Variants in TTLL7 observed in about 807,000 individuals in gnomAD.
The protein encoded by TTLL7 is tubulin tyrosine ligase like 7.
In TTLL7, 53 loss-of-function variants were observed where a neutral mutation model predicts 120.2. The observed-to-expected ratio is 0.44, with a 90% CI of 0.35 to 0.55. The LOEUF (loss-of-function observed/expected upper bound fraction) is 0.55, where lower values mean the gene tolerates loss of function less well. TTLL7 is among the 20% of genes least tolerant of loss of function. TTLL7 has a pLI of 0.00. For missense variants in TTLL7, 803 were observed against 1,054.7 expected (o/e 0.76, Z 3.31); for synonymous variants, 353 against 351.7 (o/e 1.00, Z -0.04).
chr1:83,915,145 C>CT lies in TTLL7; in HGVS notation c.1587+2458dup, dbSNP rs370775493. Reference sequence around the variant, plus strand: ...GGAGCCTCAAACAACAAGTCAATGACTTTTTTTTTTAGTAGGAAGACATTT... The same window carrying CT: ...GGAGCCTCAAACAACAAGTCAATGACTTTTTTTTTTTAGTAGGAAGACATTT... On this transcript the variant is annotated intron_variant, in intron 14 of 20. Coordinates refer to ENST00000260505, the MANE Select transcript of TTLL7 (RefSeq NM_024686.6). Among the ~76,000 whole-genome samples the CT allele has an allele frequency of 8.2e-3, 1,216 of 148,630 alleles. 16 individuals carry two copies. The highest frequency in any genetic ancestry group is 0.028 in the African/African-American group (1,157 of 40,648).
intron 3 of TTLL7, among the ~76,000 whole-genome samples, chr1:83,950,523 G>T (rs17130437): frequency 0.042 from 6,332 of 152,182 alleles, 152 homozygotes; most frequent in Middle Eastern, 0.092. Context: ...GTTCTCCACT[G>T]CTCCCAACCC....
rs527332385 is a variant in TTLL7 at position 83,911,041 on chromosome 1, G to C, written c.1786+124C>G. The C allele has an allele frequency of 7.7e-5, 57 of 735,968 alleles. No individual in the cohort carries two copies. The East Asian group carries it at 1.5e-3, about 19-fold the overall frequency. 45.6% of individuals were successfully genotyped at this position (735,968 alleles called of 1,614,324 possible). ...CCGAGTCTGGTTAGGGAAGGAAGTGGGATGGAATCCAGGTCTCCTCACACA... is the reference window on the plus strand; with the variant it reads ...CCGAGTCTGGTTAGGGAAGGAAGTGCGATGGAATCCAGGTCTCCTCACACA... On this transcript the variant is annotated intron_variant, in intron 15 of 20. Coordinates refer to ENST00000260505, the MANE Select transcript of TTLL7 (RefSeq NM_024686.6).
chr1:83,892,855 T>C (rs935826819), intron 18 of TTLL7, among the ~76,000 whole-genome samples: 3 of 144,048 alleles, frequency 2.1e-5, no homozygotes, highest in African/African-American at 5.2e-5. Context: ...TATGAGTATA[T>C]ATATGAATAT....
intron 13 of TTLL7, 34 bp from the exon 14 acceptor site, chr1:83,917,724 C>G: frequency 7.2e-7 from 1 of 1,392,116 alleles, no homozygotes; most frequent in South Asian, 1.2e-5. Context: ...ATTACAACCA[C>G]TAATGGACTC....
intron 1 of TTLL7, among the ~76,000 whole-genome samples, chr1:83,998,648 C>G (rs1653708068): frequency 6.9e-6 from 1 of 144,724 alleles, no homozygotes; most frequent in Non-Finnish European, 1.5e-5. Context: ...CCGCCCGAGT[C>G]TCCCATCTGG....
intron 14 of TTLL7, chr1:83,913,101 A>G (rs1189356802): frequency 6.6e-6 from 1 of 152,102 alleles, no homozygotes; most frequent in Non-Finnish European, 1.5e-5. Context: ...TGCACTTGGG[A>G]CTTTTTGACC....
At chr1:83,873,426 C>G (rs1249943179) in intron 20 of TTLL7, among the ~76,000 whole-genome samples, 1 of 152,028 alleles carries the variant, frequency 6.6e-6, no homozygotes, top group African/African-American at 2.4e-5. Flanking sequence ...TTTTTTAAAG[C>G]AGGAAGACTA....
intron 19 of TTLL7, among the ~76,000 whole-genome samples, chr1:83,886,842 C>T (rs147158489): frequency 6.6e-6 from 1 of 152,118 alleles, no homozygotes; most frequent in East Asian, 1.9e-4. Context: ...CACCATTCTC[C>T]AGCTCTCAGG....
chr1:83,973,882 AT>A (rs1167440855), intron 1 of TTLL7, among the ~76,000 whole-genome samples: 1 of 151,964 alleles, frequency 6.6e-6, no homozygotes, highest in Non-Finnish European at 1.5e-5. Flanking sequence ...ATGAGGGATA[AT>A]TATTTGGGAA....
chr1:83,980,181 A>C (rs1274760406), intron 1 of TTLL7: 1 of 152,106 alleles, frequency 6.6e-6, no homozygotes, highest in Non-Finnish European at 1.5e-5. Flanking sequence ...TAGAGGAAAA[A>C]TTTTGGTCTG....
rs1222259879 is a variant in TTLL7 at position 83,872,456 on chromosome 1, T to C, written c.2544-2374A>G. On this transcript the variant is annotated intron_variant, in intron 20 of 20. Transcript: ENST00000260505. ...TCTGCCATGAAAAGGCTATCCTTCC[T>C]ATCTAGGGCAAAGTTGCAAAAGAAA... 5.9e-5 allele frequency among the ~76,000 whole-genome samples: 9 copies of C among 152,226 alleles called. No individual in the cohort carries two copies. In the South Asian group the frequency reaches 1.4e-3, roughly 24 times the overall value.
chr1:83,922,134 C>T (rs532338095), intron 10 of TTLL7, among the ~76,000 whole-genome samples: 7 of 152,154 alleles, frequency 4.6e-5, no homozygotes, highest in African/African-American at 1.4e-4. Context: ...CATTGAAAGA[C>T]CTAGCAGGAA....
chr1:83,938,927 T>C (rs2100834707), intron 7 of TTLL7, among the ~76,000 whole-genome samples: 1 of 152,334 alleles, frequency 6.6e-6, no homozygotes, highest in Non-Finnish European at 1.5e-5. Flanking sequence ...ATTCATGTCA[T>C]ATTTTATTTT....
At chr1:83,901,098 T>A (rs554138217) in intron 18 of TTLL7, among the ~76,000 whole-genome samples, 1 of 152,084 alleles carries the variant, frequency 6.6e-6, no homozygotes, top group African/African-American at 2.4e-5. Flanking sequence ...GGTTCACTAG[T>A]GTTACTTGTC....
At chr1:83,915,640 A>C (rs1047222466) in intron 14 of TTLL7, among the ~76,000 whole-genome samples, 3 of 152,164 alleles carry the variant, frequency 2.0e-5, no homozygotes, top group Non-Finnish European at 4.4e-5. Flanking sequence ...AAATTGACAA[A>C]TGGGATCTAA....
At chr1:83,899,029 T>C (rs544823016) in intron 18 of TTLL7, among the ~76,000 whole-genome samples, 81 of 152,012 alleles carry the variant, frequency 5.3e-4, no homozygotes, top group African/African-American at 2.0e-3. Flanking sequence ...TTTGTGAATA[T>C]AGATAAAAGA....
At chr1:83,956,658 G>A (rs980478231) in intron 1 of TTLL7, among the ~76,000 whole-genome samples, 4 of 152,096 alleles carry the variant, frequency 2.6e-5, no homozygotes, top group Non-Finnish European at 4.4e-5. Flanking sequence ...TCGAACTCCC[G>A]ACCTCAGGTG....
intron 20 of TTLL7, among the ~76,000 whole-genome samples, chr1:83,877,525 T>G (rs1166498938): frequency 6.6e-6 from 1 of 152,036 alleles, no homozygotes; most frequent in African/African-American, 2.4e-5. Context: ...TCAGTAGTTA[T>G]GACTATTTAG....
At chr1:83,887,278 C>T (rs2100718957) in intron 19 of TTLL7, 7 of 1,185,598 alleles carry the variant, frequency 5.9e-6, no homozygotes, top group Non-Finnish European at 7.7e-6. Flanking sequence ...TAAGATTTTA[C>T]ACGTAACTGT....
Sources: allele counts gnomAD v4.1 joint callset (sites outside exome capture counted in the v4.1 genomes callset), GRCh38; gene constraint gnomAD v4.1.1; transcripts MANE v1.5; gene names NCBI Gene and HGNC (gene_info 2026-07-23, HGNC 2026-07-21).